The following MARK3 variants were observed in gnomAD, a reference collection of about 807,000 sequenced individuals.
The protein encoded by MARK3 is microtubule affinity regulating kinase 3.
Under a neutral mutation model 90.1 loss-of-function variants are expected in MARK3, and 46 were observed. The ratio of observed to expected loss-of-function variants is 0.51; its 90% CI spans 0.40 to 0.65. MARK3 has a LOEUF of 0.65. Among genes scored for constraint, MARK3 ranks in the 30% least tolerant of loss-of-function variants. The pLI is 0.00. For synonymous variants in MARK3, 321 were observed against 332.6 expected (o/e 0.97, Z 0.38); for missense variants, 818 against 947.2 (o/e 0.86, Z 1.79).
At chr14:103,455,743 A>G (rs2093263858) in intron 5 of MARK3, among the ~76,000 whole-genome samples, 1 of 151,572 alleles carries the variant, frequency 6.6e-6, no homozygotes, top group African/African-American at 2.4e-5. Context: ...AAAAAAAAAA[A>G]GCATTATGCA....
intron 1 of MARK3, among the ~76,000 whole-genome samples, chr14:103,396,496 G>C (rs182802617): frequency 1.2e-4 from 18 of 152,116 alleles, no homozygotes; most frequent in African/African-American, 3.9e-4. Context: ...AGTAAATGCA[G>C]CCATGATTTA....
At chr14:103,473,753 C>A (rs958876823) in intron 12 of MARK3, among the ~76,000 whole-genome samples, 27 of 152,200 alleles carry the variant, frequency 1.8e-4, no homozygotes, top group Admixed American at 8.5e-4. Context: ...GAGACAGGTT[C>A]TCACTCTGTC....
chr14:103,472,969 G>T (rs1465427340), intron 12 of MARK3, among the ~76,000 whole-genome samples: 1 of 151,004 alleles, frequency 6.6e-6, no homozygotes, highest in Non-Finnish European at 1.5e-5. Flanking sequence ...TTGAGCCACT[G>T]CACTCCACAG....
At chr14:103,485,532 C>T (rs1261576677) in intron 14 of MARK3, among the ~76,000 whole-genome samples, 1 of 152,022 alleles carries the variant, frequency 6.6e-6, no homozygotes, top group East Asian at 1.9e-4. Context: ...CTCAGCCTTC[C>T]AAAACACTAG....
Position 103,450,219 on chromosome 14 carries a change from TA to T in MARK3, c.346+1261del, listed in dbSNP as rs201458885. 9.1e-4 allele frequency among the ~76,000 whole-genome samples: 138 copies of T among 151,698 alleles called. 3 individuals are homozygous for T. In the East Asian group the frequency reaches 0.023, roughly 25 times the overall value. ...CCACGGAACAACTTCATAGTTGGAT[TA>T]AAAAAAAATCACAAGGAATATAATA... is the stretch of plus-strand genomic sequence containing the variant. On this transcript the variant is annotated intron_variant, in intron 4 of 17. Transcript: ENST00000429436.
chr14:103,386,241 A>G, intron 1 of MARK3, 161 bp downstream of exon 1: 1 of 744,416 alleles, frequency 1.3e-6, no homozygotes, highest in South Asian at 1.5e-5. Flanking sequence ...TTTCCTCCAG[A>G]AGTCTGCCGT....
chr14:103,413,452 A>G (rs1309199130), intron 2 of MARK3, among the ~76,000 whole-genome samples: 1 of 141,828 alleles, frequency 7.1e-6, no homozygotes, highest in Non-Finnish European at 1.6e-5. Flanking sequence ...TTTGAGACAG[A>G]GTCTGGCTCT....
In MARK3 at chr14:103,475,003, T is replaced by C; in HGVS notation, c.1275T>C (p.Ala425=). The C allele has an allele frequency of 6.2e-7, 1 of 1,612,078 alleles. No homozygotes were observed. Among genetic ancestry groups the C allele is most frequent in the South Asian group, 1.1e-5 (1 of 91,046 alleles). ...AACTCTTTATTTTAGCTGGACCAGC[T>C]ATTCCTTCTGTTGTGGCGTATCCGA... ...QRRYSDHAGP[A]IPSVVAYPKR... is the part of the protein sequence containing the mutation. The change falls in exon 13 of 18, where the codon GCT becomes GCC. Residue 425 remains alanine, a synonymous_variant. Transcript: ENST00000429436.
rs140806760 is a variant in MARK3 at position 103,424,829 on chromosome 14, T to C, written c.244-3558T>C. The stretch of plus-strand genomic sequence containing the variant: ...AGTTTGAAGAAAATTCATTCGACTT[T>C]GATTTATATAATTTTTAAAACCTCA... On this transcript the variant is annotated intron_variant, in intron 2 of 17. Transcript: ENST00000429436. Among the ~76,000 whole-genome samples the C allele has an allele frequency of 9.3e-4, 141 of 152,330 alleles. 2 individuals are homozygous for C. Among genetic ancestry groups the C allele is most frequent in the African/African-American group, 3.3e-3 (139 of 41,568 alleles).
At chr14:103,486,190 G>A (rs1166223371) in intron 14 of MARK3, among the ~76,000 whole-genome samples, 1 of 152,192 alleles carries the variant, frequency 6.6e-6, no homozygotes, top group African/African-American at 2.4e-5. Context: ...TATAATCCCA[G>A]CACTTTGGGA....
At chr14:103,451,108 T>C (rs1465253540) in intron 4 of MARK3, among the ~76,000 whole-genome samples, 2 of 151,618 alleles carry the variant, frequency 1.3e-5, no homozygotes, top group Non-Finnish European at 2.9e-5. Context: ...TTTTTGGCAT[T>C]TTTTTGTAGA....
At chr14:103,465,885 G>T (rs2093492606) in intron 8 of MARK3, 87 bp from the exon 9 acceptor site, 1 of 1,544,790 alleles carries the variant, frequency 6.5e-7, no homozygotes, top group East Asian at 2.3e-5. Context: ...ATCAGTGCGG[G>T]GGGTTTCAGG....
At chr14:103,488,461 A>C (rs1204035329) in intron 14 of MARK3, among the ~76,000 whole-genome samples, 1 of 152,162 alleles carries the variant, frequency 6.6e-6, no homozygotes, top group Non-Finnish European at 1.5e-5. Flanking sequence ...AGAAATACGA[A>C]ACTGGATAAA....
chr14:103,480,261 T>G (rs1416508644), intron 13 of MARK3, 126 bp from the exon 14 acceptor site: 1 of 629,710 alleles, frequency 1.6e-6, no homozygotes, highest in East Asian at 2.9e-5. Flanking sequence ...GGTGACAGAG[T>G]AAGACCTTGC....
chr14:103,453,769 G>C lies in MARK3; in HGVS notation c.412+1786G>C, dbSNP rs2093210274. On this transcript the variant is annotated intron_variant, in intron 5 of 17. Transcript: ENST00000429436. ...GTTGTACAGCCTCTACAGTGTACAA[G>C]GTGCTTTCTCTTACCAGATCTCCTT... 2.0e-5 allele frequency among the ~76,000 whole-genome samples: 3 copies of C among 152,154 alleles called. No individual in the cohort carries two copies. The South Asian group carries it at 6.2e-4, about 32-fold the overall frequency.
intron 15 of MARK3, among the ~76,000 whole-genome samples, chr14:103,497,838 T>C (rs990446236): frequency 6.6e-6 from 1 of 152,264 alleles, no homozygotes; most frequent in Non-Finnish European, 1.5e-5. Context: ...CATAAGGTAT[T>C]CTGAAGAAAA....
chr14:103,497,970 A>G (rs868631815), intron 15 of MARK3, among the ~76,000 whole-genome samples: 1 of 152,110 alleles, frequency 6.6e-6, no homozygotes, highest in Non-Finnish European at 1.5e-5. Flanking sequence ...TAATCCCAAC[A>G]CTCTGGGAGG....
At chr14:103,462,217 T>C (rs1170233555) in intron 6 of MARK3, among the ~76,000 whole-genome samples, 188 bp from the exon 7 acceptor site, 1 of 152,150 alleles carries the variant, frequency 6.6e-6, no homozygotes, top group Non-Finnish European at 1.5e-5. Flanking sequence ...CACCTATTTG[T>C]TTTTGCCCTC....
In MARK3 at chr14:103,478,676, A is replaced by G. The variant is rs887052822; in HGVS notation, c.1483-1711A>G. ...TGCCTCAGCCTCCTGAGTAGCTGGG[A>G]TTACAGGCGTGCGCCACCATGCCTG... On this transcript the variant is annotated intron_variant, in intron 13 of 17. Coordinates refer to ENST00000429436, the MANE Select transcript of MARK3 (RefSeq NM_001128918.3). Among the ~76,000 whole-genome samples the G allele has an allele frequency of 2.6e-5, 4 of 151,836 alleles. No individual in the cohort carries two copies. The East Asian group carries it at 7.8e-4, about 30-fold the overall frequency.
Sources: gnomAD v4.1 joint callset for allele counts (sites outside exome capture counted in the v4.1 genomes callset) on GRCh38, gnomAD v4.1.1 for gene constraint, MANE v1.5 for transcripts, NCBI Gene and HGNC (gene_info 2026-07-23, HGNC 2026-07-21) for gene names.